LY75: variants seen among roughly 807,000 people sequenced by gnomAD.
LY75 encodes lymphocyte antigen 75, also known as C-type lectin domain family 13 member B.
In LY75, 185 loss-of-function variants were observed where a neutral mutation model predicts 231.7. The observed-to-expected ratio is 0.80, with a 90% CI of 0.71 to 0.90. LY75 has a LOEUF of 0.90. Ranked by LOEUF, LY75 falls within the 40% of genes least tolerant of loss-of-function variation. The pLI, the probability that LY75 is intolerant of heterozygous loss-of-function variation, is 0.00. For missense variants in LY75, 1,947 were observed against 2,050.2 expected (o/e 0.95, Z 0.97); for synonymous variants, 668 against 689.0 (o/e 0.97, Z 0.48).
chr2:159,805,012 A>C lies in LY75; in HGVS notation c.*32T>G. ...TTAAGTGACTAATTTCTCATAACAC[A>C]TTAGTGCAAATTAGAAAACTTTTAG... On this transcript the variant is annotated 3_prime_UTR_variant, in exon 35 of 35. Coordinates refer to ENST00000263636, the MANE Select transcript of LY75 (RefSeq NM_002349.4). 1 of 1,574,544 alleles carries C rather than the reference A, an allele frequency of 6.4e-7. No homozygotes were observed.
chr2:159,823,350 G>A (rs1683359770), intron 28 of LY75, among the ~76,000 whole-genome samples: 1 of 151,874 alleles, frequency 6.6e-6, no homozygotes. Flanking sequence ...AGGATATCAG[G>A]GATTGAAGAT....
intron 16 of LY75, among the ~76,000 whole-genome samples, 162 bp downstream of exon 16, chr2:159,858,200 G>A (rs1444778932): frequency 1.3e-5 from 2 of 152,132 alleles, no homozygotes; most frequent in Non-Finnish European, 2.9e-5. Flanking sequence ...CCTTCTATTA[G>A]AAGCCGGAGT....
At chr2:159,875,756 T>A (rs1560095165) in intron 11 of LY75, 113 bp from the exon 12 acceptor site, 1 of 1,244,114 alleles carries the variant, frequency 8.0e-7, no homozygotes, top group Non-Finnish European at 1.1e-6. Context: ...AAAAAAAAAA[T>A]GGAACAAAGA....
rs58831835 is a variant in LY75, at chr2:159,877,009, CAA to C, written c.1774+1313_1774+1314del. 2.9e-3 allele frequency among the ~76,000 whole-genome samples: 262 copies of C among 90,518 alleles called. 1 individual carries two copies. The highest frequency in any genetic ancestry group is 8.8e-3 in the African/African-American group (201 of 22,910). The allele number at this position is 90,518 out of a possible 152,430, so 59.4% of individuals were successfully genotyped here. A position where few individuals can be genotyped will look rare whatever the true frequency, so the allele number is the denominator to read the frequency against. On this transcript the variant is annotated intron_variant, in intron 11 of 34. Transcript: ENST00000263636. Reference sequence around the variant, plus strand: ...GGGCAAGAGGAGCGAAACTCCATCTCAAAAAAAAAAAAAAAAAAAAAAAAAGA... The same window carrying C: ...GGGCAAGAGGAGCGAAACTCCATCTCAAAAAAAAAAAAAAAAAAAAAAAGA...
At chr2:159,829,157 T>C (rs1683572172) in intron 28 of LY75, among the ~76,000 whole-genome samples, 1 of 152,194 alleles carries the variant, frequency 6.6e-6, no homozygotes, top group Non-Finnish European at 1.5e-5. Flanking sequence ...GTTGTCCTGG[T>C]TATTTCTGGT....
intron 3 of LY75, 64 bp from the exon 4 acceptor site, chr2:159,890,441 G>C: frequency 1.3e-6 from 2 of 1,596,838 alleles, no homozygotes; most frequent in Non-Finnish European, 1.7e-6. Context: ...TACTTAGAAT[G>C]CTTAGAAATA....
intron 2 of LY75, among the ~76,000 whole-genome samples, chr2:159,895,698 A>G (rs1685891203): frequency 6.6e-6 from 1 of 152,228 alleles, no homozygotes; most frequent in South Asian, 2.1e-4. Context: ...ACCTATAAGG[A>G]CAACTTGTGA....
In LY75 at chr2:159,894,077, A is replaced by G. The variant is rs1685837269; in HGVS notation, c.474T>C (p.Tyr158=). Residue 158 remains tyrosine (Y), a synonymous_variant, in exon 3 of 35, where the codon TAT becomes TAC. Coordinates refer to ENST00000263636, the MANE Select transcript of LY75 (RefSeq NM_002349.4). ...SLCDQPYHEI[Y]TRDGNSYGRP... is the part of the protein sequence containing the mutation. ...TCCCATAAGAGTTCCCATCTCTGGTATAGATCTCTGGGTTGGAGAGGAAGT... is the reference window on the plus strand; with the variant it reads ...TCCCATAAGAGTTCCCATCTCTGGTGTAGATCTCTGGGTTGGAGAGGAAGT... 1 of 1,605,652 alleles carries G rather than the reference A, an allele frequency of 6.2e-7. No individual in the cohort carries two copies. Among genetic ancestry groups the G allele is most frequent in the Non-Finnish European group, 8.5e-7 (1 of 1,176,136 alleles).
chr2:159,845,968 T>C (rs1419022462), intron 23 of LY75, among the ~76,000 whole-genome samples: 1 of 150,108 alleles, frequency 6.7e-6, no homozygotes, highest in South Asian at 2.1e-4. Flanking sequence ...TTCTCTCTCT[T>C]TTTTTTTTAA....
At chr2:159,885,952 A>C (rs1472171397) in intron 5 of LY75, among the ~76,000 whole-genome samples, 1 of 152,134 alleles carries the variant, frequency 6.6e-6, no homozygotes, top group Non-Finnish European at 1.5e-5. Context: ...TCCCTAAAAG[A>C]CTTTCTTTGA....
At chr2:159,825,290 C>T (rs1683426911) in intron 28 of LY75, among the ~76,000 whole-genome samples, 2 of 152,112 alleles carry the variant, frequency 1.3e-5, no homozygotes, top group African/African-American at 2.4e-5. Context: ...CCACTGATCC[C>T]ACAGAAATAC....
chr2:159,863,654 G>A (rs2125862345), intron 14 of LY75, among the ~76,000 whole-genome samples: 1 of 152,140 alleles, frequency 6.6e-6, no homozygotes, highest in Middle Eastern at 3.4e-3. Flanking sequence ...TTGTTTTCTT[G>A]CTATTGAGTT....
chr2:159,810,127 G>A (rs1396772138), intron 32 of LY75, among the ~76,000 whole-genome samples: 1 of 151,648 alleles, frequency 6.6e-6, no homozygotes, highest in African/African-American at 2.4e-5. Context: ...TCCGCCTCCT[G>A]GGTTCAAGCG....
chr2:159,899,990 T>C (rs1028887308), intron 1 of LY75, among the ~76,000 whole-genome samples: 3 of 152,164 alleles, frequency 2.0e-5, no homozygotes, highest in Non-Finnish European at 4.4e-5. Flanking sequence ...ATTGACAGTG[T>C]GGATCACCTA....
intron 23 of LY75, among the ~76,000 whole-genome samples, chr2:159,842,709 A>G (rs1308192275): frequency 6.6e-6 from 1 of 152,174 alleles, no homozygotes; most frequent in Non-Finnish European, 1.5e-5. Flanking sequence ...TTAGATTTTT[A>G]TAGACTTTTT....
chr2:159,870,630 G>GA (rs1684983745), intron 13 of LY75, among the ~76,000 whole-genome samples: 1 of 151,494 alleles, frequency 6.6e-6, no homozygotes, highest in Non-Finnish European at 1.5e-5. Context: ...TCAGCCTCCT[G>GA]AGTAACCAGG....
intron 28 of LY75, among the ~76,000 whole-genome samples, chr2:159,824,467 G>GCA (rs755148398): frequency 1.1e-4 from 17 of 152,116 alleles, no homozygotes; most frequent in Non-Finnish European, 1.9e-4. Context: ...GATTCACAAA[G>GCA]CAAGTTCATA....
At chr2:159,858,777 C>T (rs777732280) in intron 15 of LY75, among the ~76,000 whole-genome samples, 1 of 152,202 alleles carries the variant, frequency 6.6e-6, no homozygotes, top group Non-Finnish European at 1.5e-5. Context: ...AAGCACCAAG[C>T]TGTGATCAAA....
rs751865385 is a variant in LY75 at position 159,835,477 on chromosome 2, T to C, written c.3673+3A>G. On this transcript the variant is annotated splice_donor_region_variant and intron_variant, in intron 26 of 34. Transcript: ENST00000263636. ...AGAATTAAAAGATCTGAAATTCACA[T>C]ACTTCCTGAATAGTAGCAAATAGCA... is the stretch of plus-strand genomic sequence containing the variant. 29 of 1,581,518 alleles carry C rather than the reference T, an allele frequency of 1.8e-5. No homozygotes were observed. Among genetic ancestry groups the C allele is most frequent in the Admixed American group, 7.5e-5 (4 of 53,476 alleles).
Sources: allele counts gnomAD v4.1 joint callset (sites outside exome capture counted in the v4.1 genomes callset), GRCh38; gene constraint gnomAD v4.1.1; transcripts MANE v1.5; gene names NCBI Gene and HGNC (gene_info 2026-07-23, HGNC 2026-07-21).